MAPK8IP3: variants seen among roughly 807,000 people sequenced by gnomAD.
MAPK8IP3 encodes C-Jun-amino-terminal kinase-interacting protein 3.
Under a neutral mutation model 157.8 loss-of-function variants are expected in MAPK8IP3, and 49 were observed. The ratio of observed to expected loss-of-function variants is 0.31; its 90% CI spans 0.25 to 0.39. MAPK8IP3 has a LOEUF of 0.39. MAPK8IP3 is among the 10% of genes least tolerant of loss of function. The probability of loss-of-function intolerance (pLI) is 1.00; values close to 1 mark genes in which losing one functional copy is unlikely to be tolerated. For missense variants in MAPK8IP3, 1,478 were observed against 1,889.4 expected, an observed-to-expected ratio of 0.78 and a Z score of 4.04; for synonymous variants, 897 against 777.7, an observed-to-expected ratio of 1.15 and a Z score of -2.55.
chr16:1,739,646 C>CCATGTGAG (rs2040490744), intron 4 of MAPK8IP3, among the ~76,000 whole-genome samples: 1 of 96,860 alleles, frequency 1.0e-5, no homozygotes, highest in African/African-American at 4.1e-5. Flanking sequence ...GTGTGACCGT[C>CCATGTGAG]CGTGTGAGCA....
intron 5 of MAPK8IP3, chr16:1,746,616 C>G: frequency 4.9e-6 from 1 of 204,852 alleles, no homozygotes; most frequent in Non-Finnish European, 1.0e-5. Flanking sequence ...GGTGGCGGCA[C>G]AGCCAGCCCT....
chr16:1,716,883 T>C (rs915031060), intron 1 of MAPK8IP3, among the ~76,000 whole-genome samples: 36 of 151,702 alleles, frequency 2.4e-4, no homozygotes, highest in African/African-American at 8.7e-4. Context: ...CACAGTGAAG[T>C]CCCATCTTTA....
intron 6 of MAPK8IP3, among the ~76,000 whole-genome samples, chr16:1,747,600 T>C (rs1201497292): frequency 1.3e-5 from 2 of 152,230 alleles, no homozygotes; most frequent in Non-Finnish European, 2.9e-5. Flanking sequence ...AATCACCTCT[T>C]GAAAGGCCCA....
At chr16:1,750,804 C>G (rs1024566435) in intron 8 of MAPK8IP3, among the ~76,000 whole-genome samples, 2 of 152,000 alleles carry the variant, frequency 1.3e-5, no homozygotes, top group African/African-American at 4.8e-5. Flanking sequence ...CACCACCATG[C>G]CCAGGTAATT....
At chr16:1,748,580 C>A (rs760423468) in intron 7 of MAPK8IP3, 22 bp from the exon 8 acceptor site, 2 of 1,593,334 alleles carry the variant, frequency 1.3e-6, no homozygotes, top group South Asian at 1.1e-5. Flanking sequence ...TGCTCTCTCT[C>A]CCGACCTGTG....
chr16:1,737,684 C>T (rs1180728004), intron 4 of MAPK8IP3, among the ~76,000 whole-genome samples: 19 of 41,606 alleles, frequency 4.6e-4, no homozygotes, highest in African/African-American at 1.8e-3. Flanking sequence ...GTGTGACCGT[C>T]CGTGTGTGAC....
At position 1,741,432 on chromosome 16, in the gene MAPK8IP3, TG is replaced by T. The variant is rs1304398109; in HGVS notation, c.603-1897del. Among the ~76,000 whole-genome samples the T allele has an allele frequency of 6.6e-6, 1 of 151,924 alleles. No homozygotes were observed. The highest frequency in any genetic ancestry group is 1.5e-5 in the Non-Finnish European group (1 of 67,950). Reference sequence around the variant, plus strand: ...GTGGCCCAGCATGGAGCTGTGTGGGTGGGAGAGCCGTACATGCATTCCCTTG... The same window carrying T: ...GTGGCCCAGCATGGAGCTGTGTGGGTGGAGAGCCGTACATGCATTCCCTTG... On this transcript the variant is annotated intron_variant, in intron 4 of 31. Transcript: ENST00000610761. The surrounding 1 kb of genome is among the most constrained non-coding windows in gnomAD (Gnocchi z 6.9).
intron 4 of MAPK8IP3, among the ~76,000 whole-genome samples, chr16:1,731,522 G>T (rs891003868): frequency 3.3e-5 from 5 of 152,226 alleles, no homozygotes; most frequent in Non-Finnish European, 5.9e-5. Context: ...CACGTGTCAC[G>T]CATGAGGCCA....
At chr16:1,768,025 G>A (rs758041738) in intron 28 of MAPK8IP3, 44 bp from the exon 29 acceptor site, 8 of 1,611,418 alleles carry the variant, frequency 5.0e-6, no homozygotes, top group African/African-American at 2.7e-5. Flanking sequence ...CTGCCCCTAC[G>A]CTGACCGCTC....
At chr16:1,739,759 C>T (rs370492452) in intron 4 of MAPK8IP3, among the ~76,000 whole-genome samples, 3 of 106,786 alleles carry the variant, frequency 2.8e-5, no homozygotes, top group African/African-American at 3.7e-5. Flanking sequence ...CGTGTGTGAC[C>T]GTCCATGTGA....
In MAPK8IP3 at chr16:1,748,225, C is replaced by T. The variant is rs753313743; in HGVS notation, c.995-19C>T. The T allele has an allele frequency of 6.3e-7, 1 of 1,590,830 alleles. No individual in the cohort carries two copies. The highest frequency in any genetic ancestry group is 8.6e-7 in the Non-Finnish European group (1 of 1,159,294). On this transcript the variant is annotated intron_variant, in intron 6 of 31. Coordinates refer to ENST00000610761, the MANE Select transcript of MAPK8IP3 (RefSeq NM_001318852.2). ...CCAGACCCTCTCCTGACCCCAGGTG[C>T]CCCTGTGCTCTCCCCTAGGCATGGG...
chr16:1,759,739 C>G (rs961882778), intron 10 of MAPK8IP3, among the ~76,000 whole-genome samples: 5 of 152,236 alleles, frequency 3.3e-5, no homozygotes, highest in Non-Finnish European at 5.9e-5. Context: ...TGACATTGGT[C>G]GGACATGAGA....
At chr16:1,737,547 A>C (rs1195890822) in intron 4 of MAPK8IP3, among the ~76,000 whole-genome samples, 2 of 78,492 alleles carry the variant, frequency 2.5e-5, no homozygotes, top group Non-Finnish European at 4.8e-5. Context: ...TTCGTGTGAG[A>C]GTGTGACCAT....
intron 6 of MAPK8IP3, among the ~76,000 whole-genome samples, chr16:1,747,778 G>A (rs548909367): frequency 1.3e-5 from 2 of 152,068 alleles, no homozygotes; most frequent in South Asian, 2.1e-4. Context: ...ATCGCCCCAC[G>A]GCACACAGCC....
At chr16:1,719,840 A>AG (rs1168743820) in intron 1 of MAPK8IP3, among the ~76,000 whole-genome samples, 1 of 152,084 alleles carries the variant, frequency 6.6e-6, no homozygotes, top group Non-Finnish European at 1.5e-5. Flanking sequence ...TAAAAGTAAA[A>AG]GAAAAAAAGC....
In MAPK8IP3 at chr16:1,706,305, G is replaced by T. The variant is rs2037381661; in HGVS notation, c.-35G>T. The T allele has an allele frequency of 6.6e-7, 1 of 1,514,242 alleles. No individual in the cohort carries two copies. The highest frequency in any genetic ancestry group is 8.8e-7 in the Non-Finnish European group (1 of 1,131,928). The allele number at this position is 1,514,242 out of a possible 1,614,324, so 93.8% of individuals were successfully genotyped here. On this transcript the variant is annotated 5_prime_UTR_variant, in exon 1 of 32. Coordinates refer to ENST00000610761, the MANE Select transcript of MAPK8IP3 (RefSeq NM_001318852.2). This position sits in a 1 kb window ranked among gnomAD's most constrained non-coding sequence, Gnocchi z 5.1. ...TGGGGAGGGCCGGGCGCGCCGGCCG[G>T]ATAGCGAGCCGCGCTGGCGGCGGCG...
In MAPK8IP3 at chr16:1,769,746, C is replaced by T. The variant is rs116459905; in HGVS notation, c.*922C>T. ...TCAGGTTGATGGGGGATGATGTGCT[C>T]CCGGGGCCTGCCTCCTGCACGGGGC... On this transcript the variant is annotated 3_prime_UTR_variant, in exon 32 of 32. Coordinates refer to ENST00000610761, the MANE Select transcript of MAPK8IP3 (RefSeq NM_001318852.2). 1,719 of 153,196 alleles carry T rather than the reference C, an allele frequency of 0.011. 36 individuals are homozygous for T. The highest frequency in any genetic ancestry group is 0.039 in the African/African-American group (1,634 of 41,558). 9.5% of individuals were successfully genotyped at this position (153,196 alleles called of 1,614,324 possible).
rs895330240 is a variant in MAPK8IP3, at chr16:1,748,539, G to A, written c.1098-63G>A. 5.8e-6 allele frequency: 8 copies of A among 1,378,606 alleles called. No homozygotes were observed. The East Asian group carries it at 1.4e-4, about 24-fold the overall frequency. 85.4% of individuals were successfully genotyped at this position (1,378,606 alleles called of 1,614,324 possible). A position where few individuals can be genotyped will look rare whatever the true frequency, so the allele number is the denominator to read the frequency against. On this transcript the variant is annotated intron_variant, in intron 7 of 31. Transcript: ENST00000610761. ...GTGGGAGGTGTTGGAAGAGTCTGCA[G>A]ACGCAGCCACTCCGGGCTGCCCACT...
intron 4 of MAPK8IP3, among the ~76,000 whole-genome samples, chr16:1,733,898 C>A (rs2039479451): frequency 6.6e-6 from 1 of 152,244 alleles, no homozygotes; most frequent in Non-Finnish European, 1.5e-5. Flanking sequence ...CTGGCCCCAG[C>A]CATTCACTTC....
Sources: allele counts gnomAD v4.1 joint callset (sites outside exome capture counted in the v4.1 genomes callset), GRCh38; gene constraint gnomAD v4.1.1; non-coding constraint Gnocchi (gnomAD v3.1); transcripts MANE v1.5; gene names NCBI Gene and HGNC (gene_info 2026-07-23, HGNC 2026-07-21).